TANC2: variants seen among roughly 807,000 people sequenced by gnomAD.
The protein encoded by TANC2 is tetratricopeptide repeat, ankyrin repeat and coiled-coil containing 2, also known as protein TANC2.
In TANC2, 26 loss-of-function variants were observed where a neutral mutation model predicts 210.5. The ratio of observed to expected loss-of-function variants is 0.12; its 90% CI spans 0.09 to 0.17. The LOEUF (loss-of-function observed/expected upper bound fraction) is 0.17, where lower values mean the gene tolerates loss of function less well. Ranked by LOEUF, TANC2 falls within the 10% of genes least tolerant of loss-of-function variation. TANC2 has a pLI of 1.00. For synonymous variants in TANC2, 931 were observed against 967.1 expected, an observed-to-expected ratio of 0.96 and a Z score of 0.69; for missense variants, 2,129 against 2,608.9, an observed-to-expected ratio of 0.82 and a Z score of 4.01.
chr17:63,356,318 G>A (rs2046781301), intron 14 of TANC2, among the ~76,000 whole-genome samples: 1 of 152,164 alleles, frequency 6.6e-6, no homozygotes, highest in African/African-American at 2.4e-5. Flanking sequence ...GTTTTCAAAA[G>A]CCGGGTACAT....
intron 1 of TANC2, among the ~76,000 whole-genome samples, chr17:62,992,968 T>G (rs767215898): frequency 2.0e-5 from 3 of 152,162 alleles, no homozygotes; most frequent in Non-Finnish European, 4.4e-5. Flanking sequence ...TGGGAGAGAA[T>G]CTGTTTTTTA....
At chr17:63,214,814 A>G (rs1378362523) in intron 7 of TANC2, among the ~76,000 whole-genome samples, 1 of 152,232 alleles carries the variant, frequency 6.6e-6, no homozygotes, top group East Asian at 1.9e-4. Flanking sequence ...AGTACAGTCC[A>G]ACCCTTGTAC....
At chr17:63,414,846 C>T (rs1437115713) in intron 25 of TANC2, among the ~76,000 whole-genome samples, 2 of 152,172 alleles carry the variant, frequency 1.3e-5, no homozygotes, top group Non-Finnish European at 1.5e-5. Flanking sequence ...AGTTCAAGGT[C>T]GCTGTGGCCA....
At chr17:62,993,738 T>C (rs1231119955) in intron 1 of TANC2, among the ~76,000 whole-genome samples, 1 of 151,854 alleles carries the variant, frequency 6.6e-6, no homozygotes, top group African/African-American at 2.4e-5. Flanking sequence ...ACCAGCCTGG[T>C]CAACATAGCA....
intron 3 of TANC2, chr17:63,088,491 T>A (rs2037059370): frequency 6.6e-6 from 1 of 152,332 alleles, no homozygotes; most frequent in Admixed American, 6.5e-5. Context: ...CCGCATTCGT[T>A]GTGTTTCTCT....
chr17:63,327,622 A>T (rs913428848), intron 11 of TANC2, among the ~76,000 whole-genome samples: 2 of 152,192 alleles, frequency 1.3e-5, no homozygotes, highest in African/African-American at 4.8e-5. Context: ...ATATAAAGAC[A>T]TGTGTCCATG....
At chr17:63,103,331 T>C (rs550055768) in intron 4 of TANC2, among the ~76,000 whole-genome samples, 19 of 152,290 alleles carry the variant, frequency 1.2e-4, no homozygotes, top group Admixed American at 7.8e-4. Context: ...GTTTGACTCA[T>C]TTTCAGTCTG....
intron 7 of TANC2, among the ~76,000 whole-genome samples, chr17:63,237,154 G>T (rs1385461639): frequency 6.6e-6 from 1 of 151,914 alleles, no homozygotes; most frequent in Non-Finnish European, 1.5e-5. Flanking sequence ...GTTATTTTTT[G>T]ATTTTTTAAT....
chr17:63,000,176 C>G (rs1160721030), intron 1 of TANC2, among the ~76,000 whole-genome samples: 1 of 152,156 alleles, frequency 6.6e-6, no homozygotes, highest in Admixed American at 6.5e-5. Flanking sequence ...AACCCTGTCA[C>G]ACGCATTTTA....
intron 9 of TANC2, among the ~76,000 whole-genome samples, chr17:63,291,717 C>T (rs2044388844): frequency 1.3e-5 from 2 of 152,162 alleles, no homozygotes; most frequent in African/African-American, 4.8e-5. Context: ...TGATTAAGGA[C>T]TTAACATACA....
At chr17:63,032,948 A>C (rs2034831470) in intron 2 of TANC2, among the ~76,000 whole-genome samples, 2 of 152,164 alleles carry the variant, frequency 1.3e-5, no homozygotes, top group African/African-American at 4.8e-5. Flanking sequence ...CTAGGTGCCC[A>C]TGGCTCCCTC....
intron 3 of TANC2, among the ~76,000 whole-genome samples, chr17:63,076,992 C>G (rs1598359993): frequency 6.6e-6 from 1 of 152,116 alleles, no homozygotes. Flanking sequence ...CAAGATGATT[C>G]AAGATAATTT....
intron 5 of TANC2, among the ~76,000 whole-genome samples, chr17:63,180,944 A>C (rs1288990936): frequency 6.9e-6 from 1 of 144,468 alleles, no homozygotes; most frequent in Non-Finnish European, 1.5e-5. Flanking sequence ...GAGTTGCTTG[A>C]ACCTGAGAGG....
At position 63,200,435 on chromosome 17, in the gene TANC2, T is replaced by C. The variant is rs369411998; in HGVS notation, c.583-336T>C. ...GTTCCAGGTCTTCCAAAAAGTTTTA[T>C]TGATTGCAAGGAAAACTTGCAATAG... is the stretch of plus-strand genomic sequence containing the variant. On this transcript the variant is annotated intron_variant, in intron 6 of 27. Transcript: ENST00000689528. Among the ~76,000 whole-genome samples the C allele has an allele frequency of 2.8e-4, 43 of 151,996 alleles. No individual in the cohort carries two copies. The South Asian group carries it at 6.0e-3, about 21-fold the overall frequency.
intron 1 of TANC2, among the ~76,000 whole-genome samples, chr17:62,997,532 T>A (rs1170400092): frequency 6.6e-6 from 1 of 152,206 alleles, no homozygotes; most frequent in Non-Finnish European, 1.5e-5. Flanking sequence ...CTGAAGGTCA[T>A]ATCCAAATTA....
intron 8 of TANC2, among the ~76,000 whole-genome samples, chr17:63,267,077 C>T (rs963653080): frequency 6.6e-6 from 1 of 152,066 alleles, no homozygotes; most frequent in African/African-American, 2.4e-5. Context: ...TGGTCTTGAA[C>T]TCCTGGGCTC....
intron 5 of TANC2, among the ~76,000 whole-genome samples, chr17:63,183,295 T>G (rs997040395): frequency 1.3e-5 from 2 of 152,208 alleles, no homozygotes; most frequent in Non-Finnish European, 2.9e-5. Context: ...AATTCCTATT[T>G]TTTTCTGTCA....
intron 14 of TANC2, among the ~76,000 whole-genome samples, chr17:63,361,559 C>T (rs951492264): frequency 3.3e-5 from 5 of 152,220 alleles, no homozygotes; most frequent in Non-Finnish European, 5.9e-5. Context: ...AAGGGGAATG[C>T]GGTGGCACCT....
intron 4 of TANC2, among the ~76,000 whole-genome samples, chr17:63,134,258 G>C (rs1433553542): frequency 6.6e-6 from 1 of 152,090 alleles, no homozygotes; most frequent in Non-Finnish European, 1.5e-5. Context: ...TTGTTGGTAT[G>C]TCTCCATGTT....
Sources: gnomAD v4.1 joint callset for allele counts (sites outside exome capture counted in the v4.1 genomes callset) on GRCh38, gnomAD v4.1.1 for gene constraint, MANE v1.5 for transcripts, NCBI Gene and HGNC (gene_info 2026-07-23, HGNC 2026-07-21) for gene names.